Variants in LRPAP1 observed in about 807,000 individuals in gnomAD.
LRPAP1 encodes LDL receptor related protein associated protein 1.
LRPAP1 carries 41 observed loss-of-function variants against 39.9 expected under a neutral mutation model. That is an observed-to-expected ratio of 1.03 (90% CI 0.80 to 1.33). LRPAP1 has a LOEUF of 1.33. Among genes scored for constraint, LRPAP1 ranks in the 40% most tolerant of loss-of-function variants. The pLI is 0.00. For missense variants in LRPAP1, 565 were observed against 482.3 expected (o/e 1.17, Z -1.61); for synonymous variants, 263 against 212.7 (o/e 1.24, Z -2.06).
In LRPAP1 at chr4:3,524,901, A is replaced by T; in HGVS notation, c.349+6T>A. 3.1e-6 allele frequency: 5 copies of T among 1,613,662 alleles called. No individual in the cohort carries two copies. The highest frequency in any genetic ancestry group is 4.2e-6 in the Non-Finnish European group (5 of 1,179,600). On this transcript the variant is annotated splice_donor_region_variant and intron_variant, in intron 2 of 7. Coordinates refer to ENST00000650182, the MANE Select transcript of LRPAP1 (RefSeq NM_002337.4). ...TCGACCTGCATTAGGAAAGAAACAAACGTACCATTGAGGTTGCGTATGAGT... is the reference window on the plus strand; with the variant it reads ...TCGACCTGCATTAGGAAAGAAACAATCGTACCATTGAGGTTGCGTATGAGT...
intron 1 of LRPAP1, among the ~76,000 whole-genome samples, chr4:3,529,149 C>A (rs998279528): frequency 6.6e-6 from 1 of 151,958 alleles, no homozygotes; most frequent in Non-Finnish European, 1.5e-5. Flanking sequence ...ATGGTGAAAC[C>A]CCGTCTCTAC....
At chr4:3,522,369 G>A (rs1235461070) in intron 2 of LRPAP1, among the ~76,000 whole-genome samples, 3 of 152,256 alleles carry the variant, frequency 2.0e-5, no homozygotes, top group African/African-American at 7.2e-5. Context: ...TCAGCAGCAG[G>A]GACTATGGAA....
At chr4:3,513,919 T>C (rs1729612818) in intron 7 of LRPAP1, among the ~76,000 whole-genome samples, 1 of 152,256 alleles carries the variant, frequency 6.6e-6, no homozygotes, top group Non-Finnish European at 1.5e-5. Flanking sequence ...TCAGCGGCCC[T>C]GACCTCTGCC....
intron 6 of LRPAP1, among the ~76,000 whole-genome samples, chr4:3,515,662 A>G (rs13129212): frequency 0.13 from 19,620 of 152,050 alleles, 1,360 homozygotes; most frequent in Middle Eastern, 0.15. Flanking sequence ...GAGCTGATGA[A>G]TTCTCCACCC....
chr4:3,525,606 C>G (rs1247525304), intron 1 of LRPAP1, among the ~76,000 whole-genome samples: 1 of 152,174 alleles, frequency 6.6e-6, no homozygotes, highest in Non-Finnish European at 1.5e-5. Context: ...GAATCTGTCA[C>G]CCTCTCACTT....
intron 7 of LRPAP1, among the ~76,000 whole-genome samples, chr4:3,513,994 G>A (rs947518933): frequency 6.6e-6 from 1 of 152,214 alleles, no homozygotes; most frequent in African/African-American, 2.4e-5. Flanking sequence ...GCTTTGCCGT[G>A]GTCAGGTGAA....
intron 2 of LRPAP1, among the ~76,000 whole-genome samples, chr4:3,522,135 G>C (rs1729927742): frequency 6.6e-6 from 1 of 152,220 alleles, no homozygotes; most frequent in Non-Finnish European, 1.5e-5. Context: ...GTCCTGCCCA[G>C]ACCCCCAAGT....
intron 1 of LRPAP1, among the ~76,000 whole-genome samples, chr4:3,525,590 G>A (rs1423112717): frequency 6.6e-6 from 1 of 152,138 alleles, no homozygotes; most frequent in Non-Finnish European, 1.5e-5. Context: ...GATCCTTCTG[G>A]AGCAGGAATC....
rs1729314749 is a variant in LRPAP1 at position 3,505,138 on chromosome 4, G to A, written c.*7836C>T. Among the ~76,000 whole-genome samples the A allele has an allele frequency of 6.6e-6, 1 of 152,218 alleles. No homozygotes were observed. Among genetic ancestry groups the A allele is most frequent in the South Asian group, 2.1e-4 (1 of 4,832 alleles). ...CCACGCACGCAGCCATAGTGGGCTG[G>A]CTAAGCTGCAGGTTGTGCCTGAGCT... On this transcript the variant is annotated 3_prime_UTR_variant, in exon 8 of 8. Coordinates refer to ENST00000650182, the MANE Select transcript of LRPAP1 (RefSeq NM_002337.4).
In LRPAP1 at chr4:3,518,164, C is replaced by A; in HGVS notation, c.621G>T (p.Ser207=). The change falls in exon 5 of 8, where the codon TCG becomes TCT. Residue 207 remains serine, a synonymous_variant. Transcript: ENST00000650182. ...CGCTGCCCTTGATGTCGCTCAGGTCCGAGGGGCTAATGACGTTCTCGTGGA... is the reference window on the plus strand; with the variant it reads ...CGCTGCCCTTGATGTCGCTCAGGTCAGAGGGGCTAATGACGTTCTCGTGGA... ...EEIHENVISP[S]DLSDIKGSVL... The A allele has an allele frequency of 6.2e-7, 1 of 1,612,978 alleles. No individual in the cohort carries two copies. Among genetic ancestry groups the A allele is most frequent in the African/African-American group, 1.3e-5 (1 of 75,034 alleles).
chr4:3,519,777 C>T (rs1729850132), intron 3 of LRPAP1, among the ~76,000 whole-genome samples: 1 of 152,222 alleles, frequency 6.6e-6, no homozygotes, highest in Non-Finnish European at 1.5e-5. Flanking sequence ...AGAACGCAGC[C>T]CATGCTACGT....
chr4:3,528,107 G>C (rs1577212335), intron 1 of LRPAP1, among the ~76,000 whole-genome samples: 1 of 152,310 alleles, frequency 6.6e-6, no homozygotes, highest in East Asian at 1.9e-4. Flanking sequence ...AGACCAGCAG[G>C]TCACGTGCAG....
chr4:3,521,031 A>G (rs1729894740), intron 2 of LRPAP1, among the ~76,000 whole-genome samples: 1 of 152,110 alleles, frequency 6.6e-6, no homozygotes, highest in Non-Finnish European at 1.5e-5. Flanking sequence ...CTCGCCCTCC[A>G]CGGCAGTAGC....
chr4:3,526,629 C>T (rs186545490), intron 1 of LRPAP1, among the ~76,000 whole-genome samples: 3 of 152,342 alleles, frequency 2.0e-5, no homozygotes, highest in East Asian at 1.9e-4. Context: ...CTCAGGTCCG[C>T]GCCGCGCAGG....
intron 6 of LRPAP1, among the ~76,000 whole-genome samples, chr4:3,515,345 C>T (rs1055755633): frequency 4.6e-5 from 7 of 152,320 alleles, no homozygotes; most frequent in East Asian, 1.9e-4. Flanking sequence ...CTTGACCCCA[C>T]GCTCCAGACC....
At position 3,525,153 on chromosome 4, in the gene LRPAP1, G is replaced by A. The variant is rs767547799; in HGVS notation, c.205-102C>T. 8.8e-6 allele frequency: 12 copies of A among 1,361,770 alleles called. No individual in the cohort carries two copies. In the African/African-American group the frequency reaches 1.6e-4, roughly 18 times the overall value. 84.4% of individuals were successfully genotyped at this position (1,361,770 alleles called of 1,614,324 possible). On this transcript the variant is annotated intron_variant, in intron 1 of 7. Coordinates refer to ENST00000650182, the MANE Select transcript of LRPAP1 (RefSeq NM_002337.4). ...GGCTGGCCACCGGGAGGTTCTGGGA[G>A]ACCAGGAAGAGGTGGAGTCAGGGTC...
At chr4:3,513,442 G>C (rs769618594) in intron 7 of LRPAP1, among the ~76,000 whole-genome samples, 2 of 152,062 alleles carry the variant, frequency 1.3e-5, no homozygotes, top group Non-Finnish European at 2.9e-5. Flanking sequence ...CATGTACTTA[G>C]GACTACAGGT....
chr4:3,530,978 C>T (rs1730233121), intron 1 of LRPAP1, among the ~76,000 whole-genome samples: 1 of 152,136 alleles, frequency 6.6e-6, no homozygotes, highest in African/African-American at 2.4e-5. Flanking sequence ...GTGCAGTGGG[C>T]ACGGGGAGGC....
In LRPAP1 at chr4:3,508,827, G is replaced by A. The variant is rs1364881698; in HGVS notation, c.*4147C>T. The A allele has an allele frequency of 6.6e-6, 1 of 152,164 alleles. No homozygotes were observed. Among genetic ancestry groups the A allele is most frequent in the Non-Finnish European group, 1.5e-5 (1 of 68,026 alleles). 9.4% of individuals were successfully genotyped at this position (152,164 alleles called of 1,614,324 possible). A position where few individuals can be genotyped will look rare whatever the true frequency, so the allele number is the denominator to read the frequency against. Reference sequence around the variant, plus strand: ...CAGTGCAAACCCAACACTGAGCCGGGAGAGACTGAGCCCATGTTCACCGAG... The same window carrying A: ...CAGTGCAAACCCAACACTGAGCCGGAAGAGACTGAGCCCATGTTCACCGAG... On this transcript the variant is annotated 3_prime_UTR_variant, in exon 8 of 8. Transcript: ENST00000650182.
Sources: gnomAD v4.1 joint callset for allele counts (sites outside exome capture counted in the v4.1 genomes callset) on GRCh38, gnomAD v4.1.1 for gene constraint, MANE v1.5 for transcripts, NCBI Gene and HGNC (gene_info 2026-07-23, HGNC 2026-07-21) for gene names.